PPP1R13B: variants seen among roughly 807,000 people sequenced by gnomAD.
The protein encoded by PPP1R13B is protein phosphatase 1 regulatory subunit 13B, also known as apoptosis-stimulating of p53 protein 1.
A neutral mutation model predicts 119.8 loss-of-function variants in PPP1R13B; 44 were observed. The observed-to-expected ratio is 0.37, with a 90% CI of 0.29 to 0.47. PPP1R13B has a LOEUF of 0.47. PPP1R13B is among the 20% of genes least tolerant of loss of function. PPP1R13B has a pLI of 0.99. For synonymous variants in PPP1R13B, 542 were observed against 561.5 expected, an observed-to-expected ratio of 0.97 and a Z score of 0.49; for missense variants, 1,227 against 1,413.5, an observed-to-expected ratio of 0.87 and a Z score of 2.12.
chr14:103,760,581 C>A (rs547752124), intron 4 of PPP1R13B, among the ~76,000 whole-genome samples: 1 of 152,314 alleles, frequency 6.6e-6, no homozygotes, highest in African/African-American at 2.4e-5. Context: ...ATCCCACCAG[C>A]CTTAAACCTG....
chr14:103,819,021 AAGG>A (rs961560763), intron 1 of PPP1R13B, among the ~76,000 whole-genome samples: 13 of 152,292 alleles, frequency 8.5e-5, no homozygotes, highest in Non-Finnish European at 1.3e-4. Flanking sequence ...AGCCTCACTG[AAGG>A]AGGAGAAAGG....
chr14:103,753,267 G>C (rs907599596), intron 6 of PPP1R13B, 71 bp from the exon 7 acceptor site: 1 of 1,424,944 alleles, frequency 7.0e-7, no homozygotes, highest in African/African-American at 1.5e-5. Context: ...TCTATACACT[G>C]AACTTAATTC....
chr14:103,847,640 A>G, upstream of PPP1R13B: 1 of 983,828 alleles, frequency 1.0e-6, no homozygotes, highest in South Asian at 4.5e-5. Flanking sequence ...GACGCCCCGC[A>G]CGGGTCCCGT....
chr14:103,825,548 C>G (rs1489045084), intron 1 of PPP1R13B, among the ~76,000 whole-genome samples: 1 of 152,186 alleles, frequency 6.6e-6, no homozygotes, highest in African/African-American at 2.4e-5. Flanking sequence ...TTTTAGTAGT[C>G]TGGATCAATA....
At chr14:103,739,347 G>A (rs1595706117) in intron 12 of PPP1R13B, 1 of 357,470 alleles carries the variant, frequency 2.8e-6, no homozygotes, top group Non-Finnish European at 5.1e-6. Context: ...TAGCTGATGG[G>A]AGCCAGCAGC....
At chr14:103,786,179 T>C (rs2085457381) in intron 2 of PPP1R13B, among the ~76,000 whole-genome samples, 1 of 152,054 alleles carries the variant, frequency 6.6e-6, no homozygotes, top group African/African-American at 2.4e-5. Context: ...TAGCTGAAAC[T>C]ATAGGCATAT....
At chr14:103,782,280 T>A (rs1202832222) in intron 3 of PPP1R13B, among the ~76,000 whole-genome samples, 1 of 152,208 alleles carries the variant, frequency 6.6e-6, no homozygotes, top group Non-Finnish European at 1.5e-5. Context: ...GCTTAATTCA[T>A]GTAACATGTT....
intron 1 of PPP1R13B, among the ~76,000 whole-genome samples, chr14:103,817,122 TTATC>T (rs2086299439): frequency 6.6e-6 from 1 of 152,216 alleles, no homozygotes; most frequent in Admixed American, 6.5e-5. Flanking sequence ...TGCCTGGAGA[TTATC>T]TATGTCATTT....
rs150039103 is a variant in PPP1R13B, at chr14:103,822,648, C to A, written c.9+24651G>T. 6.0e-3 allele frequency among the ~76,000 whole-genome samples: 906 copies of A among 151,836 alleles called. 11 individuals are homozygous for A. The highest frequency in any genetic ancestry group is 0.021 in the African/African-American group (853 of 41,446). ...CCAACATGGTGAAACCCCATTTCTA[C>A]TAAAAATACAAAAAATTAACCAGGT... is the stretch of plus-strand genomic sequence containing the variant. On this transcript the variant is annotated intron_variant, in intron 1 of 16. Transcript: ENST00000202556.
intron 1 of PPP1R13B, among the ~76,000 whole-genome samples, chr14:103,845,733 T>C (rs2087014386): frequency 6.6e-6 from 1 of 152,190 alleles, no homozygotes; most frequent in Non-Finnish European, 1.5e-5. Context: ...ACAGTATGAA[T>C]GCATCAATCA....
chr14:103,739,704 C>T (rs921553820), intron 12 of PPP1R13B, 120 bp downstream of exon 12: 78 of 1,251,650 alleles, frequency 6.2e-5, no homozygotes, highest in Non-Finnish European at 7.4e-5. Context: ...CAAGACGTAA[C>T]TCAGGGACAT....
At position 103,738,575 on chromosome 14, in the gene PPP1R13B, C is replaced by T; in HGVS notation, c.2864+104G>A. On this transcript the variant is annotated intron_variant, in intron 14 of 16. Coordinates refer to ENST00000202556, the MANE Select transcript of PPP1R13B (RefSeq NM_015316.3). The surrounding 1 kb of genome is among the most constrained non-coding windows in gnomAD (Gnocchi z 5.6). ...GGATGAAATGATGGGTGTTCTTGCT[C>T]TAATTCTCTCTTCCGTGCTTCCTAA... is the stretch of plus-strand genomic sequence containing the variant. 4.6e-6 allele frequency: 7 copies of T among 1,517,628 alleles called. No homozygotes were observed. The highest frequency in any genetic ancestry group is 4.5e-6 in the Non-Finnish European group (5 of 1,116,908). 94.0% of individuals were successfully genotyped at this position (1,517,628 alleles called of 1,614,324 possible).
chr14:103,806,488 T>C (rs915487671), intron 1 of PPP1R13B, among the ~76,000 whole-genome samples: 2 of 152,136 alleles, frequency 1.3e-5, no homozygotes, highest in African/African-American at 2.4e-5. Context: ...AAAGGATCAG[T>C]TGGGGTGAGG....
chr14:103,795,082 C>T (rs978818113), intron 2 of PPP1R13B, among the ~76,000 whole-genome samples: 3 of 152,198 alleles, frequency 2.0e-5, no homozygotes, highest in East Asian at 1.9e-4. Flanking sequence ...GGACTATAGG[C>T]GTGTGCCACC....
chr14:103,803,302 AAAC>A (rs1229164378), intron 1 of PPP1R13B, among the ~76,000 whole-genome samples: 1 of 152,190 alleles, frequency 6.6e-6, no homozygotes, highest in African/African-American at 2.4e-5. Context: ...TGAAAAAAGA[AAAC>A]AAGTTAATAC....
At chr14:103,841,216 T>C (rs8005536) in intron 1 of PPP1R13B, among the ~76,000 whole-genome samples, 67,411 of 150,588 alleles carry the variant, frequency 0.45, 15,460 homozygotes, top group African/African-American at 0.56. Flanking sequence ...ACCCAAGAGA[T>C]GGAGGTTGCA....
In PPP1R13B at chr14:103,742,245, T is replaced by C. The variant is rs775944226; in HGVS notation, c.1367A>G (p.Lys456Arg). ...TGTCCCATAGCTTGGAGGCAGCTGC[T>C]TGCCTACACCCGGGATGGGAGGTGG... ...KVPPPIPGVG[K>R]QLPPSYGTYP... is the part of the protein sequence containing the mutation. The change falls in exon 11 of 17, where the codon AAG becomes AGG. Residue 456 changes from lysine (K) to arginine (R), a missense_variant. Physicochemically the swap from Lys to Arg is conservative, Grantham distance 26 (BLOSUM62 2). Coordinates refer to ENST00000202556, the MANE Select transcript of PPP1R13B (RefSeq NM_015316.3). The surrounding 1 kb of genome is among the most constrained non-coding windows in gnomAD (Gnocchi z 4.9). 2 of 1,587,636 alleles carry C rather than the reference T, an allele frequency of 1.3e-6. No individual in the cohort carries two copies. Among genetic ancestry groups the C allele is most frequent in the South Asian group, 1.1e-5 (1 of 89,704 alleles).
At chr14:103,754,335 T>G (rs1595728387) in intron 5 of PPP1R13B, 91 bp from the exon 6 acceptor site, 2 of 1,268,008 alleles carry the variant, frequency 1.6e-6, no homozygotes, top group South Asian at 1.4e-5. Context: ...GAGGCTGAGG[T>G]AGGTGGATCA....
At chr14:103,765,707 C>T (rs1353121421) in intron 4 of PPP1R13B, among the ~76,000 whole-genome samples, 1 of 152,222 alleles carries the variant, frequency 6.6e-6, no homozygotes, top group Non-Finnish European at 1.5e-5. Context: ...CTAAACTCTG[C>T]CTATCACTTA....
Sources: allele counts gnomAD v4.1 joint callset (sites outside exome capture counted in the v4.1 genomes callset), GRCh38; gene constraint gnomAD v4.1.1; non-coding constraint Gnocchi (gnomAD v3.1); transcripts MANE v1.5; gene names NCBI Gene and HGNC (gene_info 2026-07-23, HGNC 2026-07-21).